The following ZSWIM5 variants were observed in gnomAD, a reference collection of about 807,000 sequenced individuals.
The protein encoded by ZSWIM5 is zinc finger SWIM domain-containing protein 5.
ZSWIM5 carries 55 observed loss-of-function variants against 119.6 expected under a neutral mutation model. That is an observed-to-expected ratio of 0.46 (90% CI 0.37 to 0.58). The LOEUF (loss-of-function observed/expected upper bound fraction) is 0.58, where lower values mean the gene tolerates loss of function less well. Among genes scored for constraint, ZSWIM5 ranks in the 20% least tolerant of loss-of-function variants. The probability of loss-of-function intolerance (pLI) is 0.00; values close to 1 mark genes in which losing one functional copy is unlikely to be tolerated. For missense variants in ZSWIM5, 1,193 were observed against 1,512.8 expected (o/e 0.79, Z 3.51); for synonymous variants, 537 against 606.9 (o/e 0.88, Z 1.69).
intron 1 of ZSWIM5, among the ~76,000 whole-genome samples, chr1:45,151,564 A>G (rs1449192310): frequency 1.3e-5 from 2 of 152,112 alleles, no homozygotes; most frequent in East Asian, 3.8e-4. Flanking sequence ...TATTATATAT[A>G]ATTATGACAA....
intron 1 of ZSWIM5, among the ~76,000 whole-genome samples, chr1:45,150,913 G>T (rs1645793357): frequency 6.6e-6 from 1 of 152,186 alleles, no homozygotes; most frequent in Non-Finnish European, 1.5e-5. Context: ...CCATTTGCAA[G>T]ATGAACAGAA....
intron 1 of ZSWIM5, among the ~76,000 whole-genome samples, chr1:45,186,170 A>G (rs964052062): frequency 6.8e-6 from 1 of 146,116 alleles, no homozygotes; most frequent in Non-Finnish European, 1.5e-5. Context: ...CAAACACCGC[A>G]TGTTCTCACT....
intron 11 of ZSWIM5, among the ~76,000 whole-genome samples, chr1:45,029,986 C>G (rs1324850722): frequency 6.6e-6 from 1 of 152,096 alleles, no homozygotes; most frequent in Non-Finnish European, 1.5e-5. Context: ...GATAGGGTCT[C>G]ACTTTCTCAT....
chr1:45,184,818 T>C (rs1570195937), intron 1 of ZSWIM5, among the ~76,000 whole-genome samples: 1 of 151,962 alleles, frequency 6.6e-6, no homozygotes, highest in Admixed American at 6.5e-5. Context: ...AAAATGGCCA[T>C]ACTGCCCAAG....
intron 4 of ZSWIM5, among the ~76,000 whole-genome samples, chr1:45,051,616 A>G (rs1041092590): frequency 3.3e-5 from 5 of 152,196 alleles, no homozygotes; most frequent in African/African-American, 1.2e-4. Context: ...AGTGAGGGAG[A>G]CAGATAAATA....
chr1:45,053,038 G>A (rs534804579), intron 4 of ZSWIM5, among the ~76,000 whole-genome samples: 2 of 151,330 alleles, frequency 1.3e-5, no homozygotes, highest in Admixed American at 6.6e-5. Flanking sequence ...TAGGAGAATC[G>A]GTTGAATCTG....
chr1:45,179,503 C>T (rs569437635), intron 1 of ZSWIM5, among the ~76,000 whole-genome samples: 3 of 152,242 alleles, frequency 2.0e-5, no homozygotes, highest in South Asian at 2.1e-4. Context: ...ATGCTCACTA[C>T]CTGGGTAACA....
At chr1:45,070,104 G>C in intron 2 of ZSWIM5, 1 of 991,400 alleles carries the variant, frequency 1.0e-6, no homozygotes, top group South Asian at 1.3e-5. Flanking sequence ...GATATTTGGT[G>C]CATTCGATCA....
chr1:45,115,807 G>C (rs952400418), intron 1 of ZSWIM5, among the ~76,000 whole-genome samples: 1 of 151,472 alleles, frequency 6.6e-6, no homozygotes, highest in Admixed American at 6.6e-5. Context: ...CATCCCAGAC[G>C]ATGGGCGGCC....
At chr1:45,160,499 G>C (rs898607619) in intron 1 of ZSWIM5, among the ~76,000 whole-genome samples, 2 of 151,876 alleles carry the variant, frequency 1.3e-5, no homozygotes, top group African/African-American at 4.8e-5. Context: ...AACTTTTTTA[G>C]CTTCTACCTT....
Position 45,174,888 on chromosome 1 carries a change from CT to C in ZSWIM5, c.595+30867del, listed in dbSNP as rs548539994. On this transcript the variant is annotated intron_variant, in intron 1 of 13. Transcript: ENST00000359600. ...CGTACTGCCTTATCACCCCAGAATA[CT>C]TTTTTTGTGTATTTCCTTCAAAGAT... Among the ~76,000 whole-genome samples the C allele has an allele frequency of 7.2e-4, 109 of 152,118 alleles. 3 individuals carry two copies. The highest frequency in any genetic ancestry group is 2.1e-4 in the South Asian group (1 of 4,824).
chr1:45,167,736 A>T (rs1353998824), intron 1 of ZSWIM5, among the ~76,000 whole-genome samples: 2 of 152,164 alleles, frequency 1.3e-5, no homozygotes, highest in African/African-American at 2.4e-5. Flanking sequence ...GCTCATCATC[A>T]CTGGCCATCA....
chr1:45,154,054 C>T (rs899849789), intron 1 of ZSWIM5, among the ~76,000 whole-genome samples: 1 of 152,040 alleles, frequency 6.6e-6, no homozygotes, highest in Admixed American at 6.6e-5. Context: ...AGGTGAAAGA[C>T]CCCTGCAAGG....
At chr1:45,135,797 T>C (rs1645685835) in intron 1 of ZSWIM5, among the ~76,000 whole-genome samples, 2 of 152,138 alleles carry the variant, frequency 1.3e-5, no homozygotes, top group South Asian at 2.1e-4. Flanking sequence ...TACTTCCTAA[T>C]GGTAGAAAAT....
intron 1 of ZSWIM5, among the ~76,000 whole-genome samples, chr1:45,131,268 C>G (rs1645654819): frequency 6.6e-6 from 1 of 152,028 alleles, no homozygotes; most frequent in Admixed American, 6.6e-5. Flanking sequence ...TTTGGGATCT[C>G]TTTACATTAT....
At chr1:45,196,034 GTTT>G (rs34236930) in intron 1 of ZSWIM5, among the ~76,000 whole-genome samples, 13 of 103,950 alleles carry the variant, frequency 1.3e-4, no homozygotes, top group African/African-American at 3.2e-4. Context: ...CACCCAGCTA[GTTT>G]TTTTTTTTTT....
At position 45,088,129 on chromosome 1, in the gene ZSWIM5, CAT is replaced by C; in HGVS notation, c.702_703del (p.Cys235TrpfsTer23). ...GAATATGTCCTTGTTCCCACAGCCA[CAT>C]GTCACTGAGGTGATTTTGCATCGAT... On this transcript the variant is annotated frameshift_variant, in exon 2 of 14. Coordinates refer to ENST00000359600, the MANE Select transcript of ZSWIM5 (RefSeq NM_020883.2). LOFTEE classifies it high-confidence loss of function. This position sits in a 1 kb window ranked among gnomAD's most constrained non-coding sequence, Gnocchi z 4.2. 1 of 1,614,186 alleles carries C rather than the reference CAT, an allele frequency of 6.2e-7. No individual in the cohort carries two copies. The highest frequency in any genetic ancestry group is 1.3e-5 in the African/African-American group (1 of 75,054).
intron 1 of ZSWIM5, among the ~76,000 whole-genome samples, chr1:45,101,716 A>T (rs1205196691): frequency 6.6e-6 from 1 of 152,232 alleles, no homozygotes; most frequent in Non-Finnish European, 1.5e-5. Flanking sequence ...CAGCCATAAA[A>T]AGGACGAGTT....
chr1:45,089,257 C>T (rs929559910), intron 1 of ZSWIM5, among the ~76,000 whole-genome samples: 9 of 152,204 alleles, frequency 5.9e-5, no homozygotes, highest in African/African-American at 2.2e-4. Flanking sequence ...GCTGGGATTA[C>T]AGGCGTGAGC....
Sources: allele counts gnomAD v4.1 joint callset (sites outside exome capture counted in the v4.1 genomes callset), GRCh38; gene constraint gnomAD v4.1.1; non-coding constraint Gnocchi (gnomAD v3.1); transcripts MANE v1.5; gene names NCBI Gene and HGNC (gene_info 2026-07-23, HGNC 2026-07-21).